The following SLC25A26 variants were observed in gnomAD, a reference collection of about 807,000 sequenced individuals.
SLC25A26 encodes the protein solute carrier family 25 member 26, also known as mitochondrial S-adenosylmethionine carrier protein.
A neutral mutation model predicts 37.8 loss-of-function variants in SLC25A26; 36 were observed. That is an observed-to-expected ratio of 0.95 (90% CI 0.73 to 1.26). SLC25A26 has a LOEUF of 1.26. SLC25A26 is among the 50% of genes most tolerant of loss of function. SLC25A26 has a pLI of 0.00. For synonymous variants in SLC25A26, 129 were observed against 122.5 expected (o/e 1.05, Z -0.35); for missense variants, 390 against 331.1 (o/e 1.18, Z -1.38).
At chr3:66,200,916 C>CACCAG (rs1242186261) in intron 1 of SLC25A26, among the ~76,000 whole-genome samples, 1 of 152,158 alleles carries the variant, frequency 6.6e-6, no homozygotes, top group Non-Finnish European at 1.5e-5. Context: ...CCTAAGATTA[C>CACCAG]AGAGTACTCC....
At chr3:66,155,054 A>G (rs2106699587) in intron 1 of SLC25A26, among the ~76,000 whole-genome samples, 1 of 152,356 alleles carries the variant, frequency 6.6e-6, no homozygotes, top group Admixed American at 6.5e-5. Flanking sequence ...CTACAAAGTT[A>G]AATTCATTAT....
chr3:66,334,189 C>T (rs1397022052), intron 5 of SLC25A26, among the ~76,000 whole-genome samples: 1 of 152,208 alleles, frequency 6.6e-6, no homozygotes, highest in African/African-American at 2.4e-5. Flanking sequence ...TGATACTTCC[C>T]TGTCTGTTGC....
At chr3:66,313,653 G>A (rs1484105079) in intron 5 of SLC25A26, among the ~76,000 whole-genome samples, 4 of 152,156 alleles carry the variant, frequency 2.6e-5, no homozygotes, top group South Asian at 2.1e-4. Context: ...CTGATTCTGT[G>A]AAGAATGTTA....
chr3:66,366,742 C>T (rs148197312), intron 7 of SLC25A26, among the ~76,000 whole-genome samples: 32 of 152,208 alleles, frequency 2.1e-4, no homozygotes, highest in African/African-American at 5.3e-4. Context: ...TTTTCACATA[C>T]GAAAGTGGGT....
chr3:66,350,644 T>C (rs981846308), intron 6 of SLC25A26, among the ~76,000 whole-genome samples: 1 of 152,170 alleles, frequency 6.6e-6, no homozygotes, highest in African/African-American at 2.4e-5. Flanking sequence ...CATTCAAGTT[T>C]CTCAACACCC....
At position 66,354,555 on chromosome 3, in the gene SLC25A26, G is replaced by A. The variant is rs181069537; in HGVS notation, c.498+8147G>A. Among the ~76,000 whole-genome samples, 6 of 152,188 alleles carry A rather than the reference G, an allele frequency of 3.9e-5. No homozygotes were observed. In the East Asian group the frequency reaches 9.7e-4, roughly 24 times the overall value. On this transcript the variant is annotated intron_variant, in intron 6 of 9. Transcript: ENST00000354883. ...ATGTTTTCAAGTTCAAGAATAAATA[G>A]CATTTTTTCTTGTTGATTCTTGTTT...
chr3:66,170,964 C>T (rs986245448), intron 1 of SLC25A26, among the ~76,000 whole-genome samples: 1 of 150,734 alleles, frequency 6.6e-6, no homozygotes, highest in Admixed American at 6.6e-5. Flanking sequence ...CCACTACGCC[C>T]GGCTAATTTT....
At chr3:66,351,228 C>G (rs1264822504) in intron 6 of SLC25A26, among the ~76,000 whole-genome samples, 3 of 152,184 alleles carry the variant, frequency 2.0e-5, no homozygotes, top group African/African-American at 7.2e-5. Flanking sequence ...TTGCAGAATA[C>G]TTGCTCCCCA....
chr3:66,308,276 G>A (rs577786649), intron 5 of SLC25A26, among the ~76,000 whole-genome samples: 5 of 152,178 alleles, frequency 3.3e-5, no homozygotes, highest in East Asian at 3.9e-4. Context: ...GTGAATGGGC[G>A]TTCACTCATG....
chr3:66,299,962 A>G (rs1406073531), intron 5 of SLC25A26, among the ~76,000 whole-genome samples: 1 of 152,192 alleles, frequency 6.6e-6, no homozygotes, highest in African/African-American at 2.4e-5. Flanking sequence ...TTAATAAACT[A>G]CCAGGCTTTT....
intron 2 of SLC25A26, 145 bp downstream of exon 2, chr3:66,236,845 T>A: frequency 1.6e-6 from 1 of 614,256 alleles, no homozygotes; most frequent in Non-Finnish European, 2.5e-6. Flanking sequence ...TTATTATTTT[T>A]TATTTATTTT....
At chr3:66,293,712 A>C (rs986119225) in intron 5 of SLC25A26, among the ~76,000 whole-genome samples, 3 of 152,204 alleles carry the variant, frequency 2.0e-5, no homozygotes, top group Non-Finnish European at 4.4e-5. Context: ...CCTGCAAAGG[A>C]AGTGATGTCG....
intron 1 of SLC25A26, among the ~76,000 whole-genome samples, chr3:66,209,090 GTATA>G (rs1212142217): frequency 0.18 from 8,442 of 46,258 alleles, 1,036 homozygotes; most frequent in East Asian, 0.39. Context: ...ATATAAAGAT[GTATA>G]TATATATATA....
chr3:66,264,528 AG>A (rs1047964674), intron 5 of SLC25A26, among the ~76,000 whole-genome samples: 8 of 152,292 alleles, frequency 5.3e-5, no homozygotes, highest in African/African-American at 1.9e-4. Context: ...GATCAGCAGC[AG>A]CATCAGATTC....
intron 5 of SLC25A26, among the ~76,000 whole-genome samples, chr3:66,318,359 G>A (rs1478541744): frequency 3.3e-5 from 5 of 152,144 alleles, no homozygotes; most frequent in African/African-American, 4.8e-5. Context: ...TGTGGGAAAA[G>A]CATGGCTTTC....
In SLC25A26 at chr3:66,140,600, T is replaced by G. The variant is rs2070019517; in HGVS notation, c.-354+6616T>G. Among the ~76,000 whole-genome samples the G allele has an allele frequency of 1.3e-5, 2 of 152,186 alleles. 1 individual carries two copies. The highest frequency in any genetic ancestry group is 4.1e-4 in the South Asian group (2 of 4,830). On this transcript the variant is annotated intron_variant, in intron 1 of 10. Transcript: ENST00000676754. ...TAGAAAATGTCCGTAAATCTGTTCATTCACCTGAGGTTTCTGTTCCAAGTT... is the reference window on the plus strand; with the variant it reads ...TAGAAAATGTCCGTAAATCTGTTCAGTCACCTGAGGTTTCTGTTCCAAGTT...
intron 1 of SLC25A26, among the ~76,000 whole-genome samples, chr3:66,157,370 A>C (rs565962179): frequency 6.6e-6 from 1 of 152,328 alleles, no homozygotes; most frequent in Non-Finnish European, 1.5e-5. Flanking sequence ...TGAGAGGATC[A>C]CTTGAGCTCA....
chr3:66,360,180 A>G (rs1357619055), intron 6 of SLC25A26, among the ~76,000 whole-genome samples: 1 of 152,156 alleles, frequency 6.6e-6, no homozygotes, highest in Non-Finnish European at 1.5e-5. Flanking sequence ...GTCAGTGGAG[A>G]AGCATTCAGA....
chr3:66,151,612 A>G (rs1051799914), intron 1 of SLC25A26, among the ~76,000 whole-genome samples: 2 of 152,126 alleles, frequency 1.3e-5, no homozygotes, highest in Admixed American at 1.3e-4. Flanking sequence ...GTGGCAGCTC[A>G]CTGGGTTAAT....
Sources: allele counts gnomAD v4.1 joint callset (sites outside exome capture counted in the v4.1 genomes callset), GRCh38; gene constraint gnomAD v4.1.1; transcripts MANE v1.5; gene names NCBI Gene and HGNC (gene_info 2026-07-23, HGNC 2026-07-21).